The following DGKB variants were observed in gnomAD, a reference collection of about 807,000 sequenced individuals.
DGKB encodes 90 kDa diacylglycerol kinase.
DGKB carries 67 observed loss-of-function variants against 114.3 expected under a neutral mutation model. The ratio of observed to expected loss-of-function variants is 0.59; its 90% CI spans 0.48 to 0.72. The LOEUF is 0.72. Ranked by LOEUF, DGKB falls within the 30% of genes least tolerant of loss-of-function variation. The pLI is 0.00. For missense variants in DGKB, 907 were observed against 975.2 expected (o/e 0.93, Z 0.93); for synonymous variants, 398 against 323.1 (o/e 1.23, Z -2.49).
chr7:14,872,324 T>A, intron 1 of DGKB, among the ~76,000 whole-genome samples: 1 of 152,228 alleles, frequency 6.6e-6, no homozygotes, highest in East Asian at 1.9e-4. Context: ...ATTAAAACAT[T>A]TTGCTGATGA....
At chr7:14,441,538 A>G (rs1039871374) in intron 21 of DGKB, among the ~76,000 whole-genome samples, 2 of 152,102 alleles carry the variant, frequency 1.3e-5, no homozygotes, top group Non-Finnish European at 2.9e-5. Flanking sequence ...CTTGCTTAAG[A>G]CATTATTTTT....
intron 13 of DGKB, among the ~76,000 whole-genome samples, chr7:14,648,366 C>T (rs901795578): frequency 6.6e-6 from 1 of 152,178 alleles, no homozygotes; most frequent in African/African-American, 2.4e-5. Flanking sequence ...AACTGGGAGG[C>T]ACCCCCCAGC....
intron 12 of DGKB, among the ~76,000 whole-genome samples, chr7:14,678,858 T>C (rs1381779704): frequency 1.3e-5 from 2 of 151,946 alleles, no homozygotes; most frequent in Non-Finnish European, 2.9e-5. Flanking sequence ...AGAGATATTT[T>C]AAGTAGGAAA....
At chr7:14,155,483 G>A (rs1182119116) in intron 25 of DGKB, among the ~76,000 whole-genome samples, 1 of 152,088 alleles carries the variant, frequency 6.6e-6, no homozygotes, top group Non-Finnish European at 1.5e-5. Flanking sequence ...AGGGACAGTG[G>A]CAGAATTAAA....
At chr7:14,547,005 C>T (rs1192016168) in intron 20 of DGKB, among the ~76,000 whole-genome samples, 1 of 152,132 alleles carries the variant, frequency 6.6e-6, no homozygotes, top group African/African-American at 2.4e-5. Context: ...ACAAAATAGG[C>T]TCTTTCTTAG....
At chr7:14,662,209 TA>T (rs60406128) in intron 13 of DGKB, among the ~76,000 whole-genome samples, 104,412 of 150,600 alleles carry the variant, frequency 0.69, 36,437 homozygotes, top group Admixed American at 0.79. Context: ...GTATAATAAT[TA>T]AAAAAAATAA....
intron 2 of DGKB, among the ~76,000 whole-genome samples, chr7:14,825,016 GTATATATATATATATATATATATATATA>G (rs67135250): frequency 1.6e-4 from 15 of 92,412 alleles, no homozygotes; most frequent in East Asian, 1.3e-3. Flanking sequence ...GTATGTGTAT[GTATATATATATATATATATATATATATA>G]TATATATATA....
At chr7:14,257,073 G>T (rs1413996553) in intron 23 of DGKB, among the ~76,000 whole-genome samples, 1 of 151,986 alleles carries the variant, frequency 6.6e-6, no homozygotes, top group Non-Finnish European at 1.5e-5. Flanking sequence ...TGAGGTGGGA[G>T]GATTAATTGA....
intron 21 of DGKB, among the ~76,000 whole-genome samples, chr7:14,475,859 T>A (rs1178466053): frequency 6.6e-6 from 1 of 152,104 alleles, no homozygotes; most frequent in African/African-American, 2.4e-5. Context: ...GATATGTGAA[T>A]AATAGGAGTC....
intron 21 of DGKB, among the ~76,000 whole-genome samples, chr7:14,385,537 G>C (rs965566613): frequency 6.6e-6 from 1 of 152,138 alleles, no homozygotes; most frequent in East Asian, 1.9e-4. Flanking sequence ...CTAAGTAAAT[G>C]AATTTGGAGA....
chr7:14,181,666 A>G (rs1186287488), intron 23 of DGKB, among the ~76,000 whole-genome samples: 1 of 152,224 alleles, frequency 6.6e-6, no homozygotes, highest in Non-Finnish European at 1.5e-5. Context: ...GGTGGGAAAC[A>G]GCTCTACCTT....
At chr7:14,907,164 C>T (rs911615399), upstream of DGKB, among the ~76,000 whole-genome samples, 1 of 152,084 alleles carries the variant, frequency 6.6e-6, no homozygotes, top group Non-Finnish European at 1.5e-5. Context: ...TTATTGCACT[C>T]CCCTTGAAAA....
At chr7:14,249,547 A>G (rs1381763583) in intron 23 of DGKB, among the ~76,000 whole-genome samples, 1 of 152,076 alleles carries the variant, frequency 6.6e-6, no homozygotes, top group Admixed American at 6.6e-5. Context: ...ATTTTCTATT[A>G]CTTTATCATT....
At chr7:14,245,492 C>G (rs955142020) in intron 23 of DGKB, among the ~76,000 whole-genome samples, 3 of 152,168 alleles carry the variant, frequency 2.0e-5, no homozygotes, top group Non-Finnish European at 4.4e-5. Context: ...GGTATGGAGC[C>G]TGTCTCCAAG....
intron 1 of DGKB, among the ~76,000 whole-genome samples, chr7:14,918,201 G>C (rs1587378133): frequency 6.6e-6 from 1 of 152,018 alleles, no homozygotes; most frequent in Non-Finnish European, 1.5e-5. Context: ...ATAAAAACAT[G>C]TCTCCTCTTA....
At chr7:14,486,069 A>T (rs76537469) in intron 20 of DGKB, among the ~76,000 whole-genome samples, 3,888 of 152,058 alleles carry the variant, frequency 0.026, 159 homozygotes, top group African/African-American at 0.087. Context: ...TCTTTTTTTT[A>T]AAAAATAATT....
chr7:14,660,375 G>T (rs1283501864), intron 13 of DGKB, among the ~76,000 whole-genome samples: 2 of 151,730 alleles, frequency 1.3e-5, no homozygotes, highest in East Asian at 1.9e-4. Flanking sequence ...GACTCTTTTT[G>T]GTTGGTAAGC....
chr7:14,797,936 G>A (rs986699582), intron 2 of DGKB, among the ~76,000 whole-genome samples: 4 of 152,176 alleles, frequency 2.6e-5, no homozygotes, highest in African/African-American at 7.2e-5. Context: ...ACACCGGAGA[G>A]TGAATAAGGC....
At chr7:14,526,989 C>A (rs1249347810) in intron 20 of DGKB, among the ~76,000 whole-genome samples, 2 of 152,108 alleles carry the variant, frequency 1.3e-5, no homozygotes, top group Non-Finnish European at 2.9e-5. Flanking sequence ...ATTTATTTAG[C>A]TTTCAGGAAC....
Sources: allele counts gnomAD v4.1 joint callset (sites outside exome capture counted in the v4.1 genomes callset), GRCh38; gene constraint gnomAD v4.1.1; transcripts MANE v1.5; gene names NCBI Gene and HGNC (gene_info 2026-07-23, HGNC 2026-07-21).